DIAPH2: variants seen among roughly 807,000 people sequenced by gnomAD.
The protein encoded by DIAPH2 is protein diaphanous homolog 2.
A neutral mutation model predicts 92.7 loss-of-function variants in DIAPH2; 35 were observed. The observed-to-expected ratio is 0.38, with a 90% CI of 0.29 to 0.50. The LOEUF is 0.50. DIAPH2 is among the 20% of genes least tolerant of loss of function. DIAPH2 has a pLI of 0.94. For missense variants in DIAPH2, 701 were observed against 819.5 expected (o/e 0.86, Z 1.77); for synonymous variants, 301 against 280.4 (o/e 1.07, Z -0.73).
At chrX:96,931,172 G>C (rs2065616832) in intron 10 of DIAPH2, among the ~76,000 whole-genome samples, 1 of 110,688 alleles carries the variant, frequency 9.0e-6, no homozygotes, top group African/African-American at 3.3e-5. Flanking sequence ...AAAATATTCT[G>C]CTTTCCTCTT....
intron 24 of DIAPH2, among the ~76,000 whole-genome samples, chrX:97,373,623 T>C (rs2069470258): frequency 9.9e-6 from 1 of 100,881 alleles, no homozygotes. Context: ...TTTTTTTTTT[T>C]TGAGACGGAG....
intron 22 of DIAPH2, among the ~76,000 whole-genome samples, chrX:97,142,008 G>A (rs149183758): frequency 1.8e-3 from 197 of 111,331 alleles, no homozygotes; most frequent in African/African-American, 6.1e-3. Context: ...CCACTGCTAC[G>A]TTATTAAAGC....
chrX:97,302,233 A>AC (rs1556021678), intron 23 of DIAPH2, among the ~76,000 whole-genome samples: 1 of 88,906 alleles, frequency 1.1e-5, no homozygotes, highest in Non-Finnish European at 2.3e-5. Context: ...AAAAAAAAAA[A>AC]GTATTGGACA....
At chrX:96,836,646 T>C (rs1174371430) in intron 4 of DIAPH2, among the ~76,000 whole-genome samples, 2 of 92,903 alleles carry the variant, frequency 2.2e-5, no homozygotes, top group Admixed American at 2.4e-4. Context: ...CAGTTTCCAA[T>C]CTTAGGGACT....
At chrX:97,316,172 G>T (rs2068838020) in intron 23 of DIAPH2, among the ~76,000 whole-genome samples, 2 of 111,246 alleles carry the variant, frequency 1.8e-5, no homozygotes, top group Admixed American at 1.9e-4. Flanking sequence ...TAGCAACCTT[G>T]AGCAGCCTTG....
chrX:97,525,339 T>C (rs2071017780), intron 26 of DIAPH2, among the ~76,000 whole-genome samples: 1 of 112,364 alleles, frequency 8.9e-6, no homozygotes, highest in Admixed American at 9.4e-5. Flanking sequence ...CTGCCTGGAC[T>C]GCCCTCCCTT....
At chrX:97,133,596 G>A (rs1269816254) in intron 21 of DIAPH2, among the ~76,000 whole-genome samples, 1 of 112,212 alleles carries the variant, frequency 8.9e-6, no homozygotes, top group Non-Finnish European at 1.9e-5. Context: ...CAAGAGAACT[G>A]TTTTCTGTGC....
At chrX:97,534,226 T>C (rs962722069) in intron 26 of DIAPH2, among the ~76,000 whole-genome samples, 3 of 111,630 alleles carry the variant, frequency 2.7e-5, no homozygotes, top group Non-Finnish European at 5.7e-5. Context: ...TTTAACAAAT[T>C]ATCACCTCAT....
At chrX:97,541,709 G>T (rs143495380) in intron 26 of DIAPH2, among the ~76,000 whole-genome samples, 3 of 112,031 alleles carry the variant, frequency 2.7e-5, no homozygotes, top group African/African-American at 9.7e-5. Context: ...GTGTATATGT[G>T]CACACACATG....
In DIAPH2 at chrX:97,422,142, A is replaced by G. The variant is rs188853435; in HGVS notation, c.3146-7508A>G. 2.6e-4 allele frequency among the ~76,000 whole-genome samples: 29 copies of G among 111,503 alleles called. No individual in the cohort carries two copies. In the Admixed American group the frequency reaches 2.7e-3, roughly 10 times the overall value. ...TGGTGGTAGTTACATGGATGTATGC[A>G]TTTTTCAAGACTCTTCAAACTGTAC... On this transcript the variant is annotated intron_variant, in intron 25 of 26. Coordinates refer to ENST00000324765, the MANE Select transcript of DIAPH2 (RefSeq NM_006729.5).
At chrX:97,167,559 A>T (rs2067421183) in intron 22 of DIAPH2, among the ~76,000 whole-genome samples, 1 of 111,547 alleles carries the variant, frequency 9.0e-6, no homozygotes, top group Non-Finnish European at 1.9e-5. Flanking sequence ...GACCTCAGAG[A>T]CCTGTAGCTT....
intron 15 of DIAPH2, among the ~76,000 whole-genome samples, chrX:96,952,026 T>C (rs2065778520): frequency 8.9e-6 from 1 of 111,798 alleles, no homozygotes; most frequent in African/African-American, 3.2e-5. Flanking sequence ...ATGAAAAATA[T>C]CATGTCATAC....
chrX:97,213,559 C>G (rs1362674039), intron 22 of DIAPH2, among the ~76,000 whole-genome samples: 1 of 111,757 alleles, frequency 8.9e-6, no homozygotes, highest in Non-Finnish European at 1.9e-5. Flanking sequence ...TTGTGCTTTG[C>G]TTTATCAGAT....
intron 23 of DIAPH2, among the ~76,000 whole-genome samples, chrX:97,263,362 A>G (rs1025357808): frequency 1.8e-5 from 2 of 111,491 alleles, no homozygotes; most frequent in Non-Finnish European, 3.8e-5. Flanking sequence ...TAGTAAGCAT[A>G]TATCTGTTTA....
chrX:97,498,872 A>T (rs1335741617), intron 26 of DIAPH2, among the ~76,000 whole-genome samples: 2 of 111,659 alleles, frequency 1.8e-5, no homozygotes, highest in African/African-American at 6.5e-5. Flanking sequence ...TTGTCTGAGG[A>T]TCAAAGCAGG....
At chrX:96,744,576 G>C (rs1038474099) in intron 3 of DIAPH2, among the ~76,000 whole-genome samples, 3 of 111,716 alleles carry the variant, frequency 2.7e-5, no homozygotes, top group Non-Finnish European at 3.8e-5. Flanking sequence ...AGCCAGCCTG[G>C]GATGGATTAT....
At chrX:97,592,875 C>T (rs2071526813) in intron 26 of DIAPH2, among the ~76,000 whole-genome samples, 2 of 111,896 alleles carry the variant, frequency 1.8e-5, no homozygotes, top group African/African-American at 6.5e-5. Context: ...ATCTCTTCTA[C>T]CAACCTGAAC....
intron 26 of DIAPH2, among the ~76,000 whole-genome samples, chrX:97,577,683 A>G (rs180989811): frequency 8.9e-6 from 1 of 111,989 alleles, no homozygotes; most frequent in East Asian, 2.8e-4. Flanking sequence ...AAGCCAACCT[A>G]ACTAGATTCA....
chrX:97,363,011 T>C (rs1004858660), intron 24 of DIAPH2, among the ~76,000 whole-genome samples: 1 of 112,582 alleles, frequency 8.9e-6, no homozygotes, highest in African/African-American at 3.2e-5. Flanking sequence ...AAACCCGAAC[T>C]ATTTCATCAG....
Sources: allele counts gnomAD v4.1 joint callset (sites outside exome capture counted in the v4.1 genomes callset), GRCh38; gene constraint gnomAD v4.1.1; transcripts MANE v1.5; gene names NCBI Gene and HGNC (gene_info 2026-07-23, HGNC 2026-07-21).